MYRIP: variants seen among roughly 807,000 people sequenced by gnomAD.
MYRIP encodes the protein rab effector MyRIP.
In MYRIP, 49 loss-of-function variants were observed where a neutral mutation model predicts 98.0. The ratio of observed to expected loss-of-function variants is 0.50; its 90% confidence interval spans 0.40 to 0.63. The LOEUF is 0.63. MYRIP is among the 30% of genes least tolerant of loss of function. The pLI is 0.00. For missense variants in MYRIP, 1,004 were observed against 1,058.2 expected (o/e 0.95, Z 0.71); for synonymous variants, 404 against 409.5 (o/e 0.99, Z 0.16).
At chr3:40,123,078 A>G (rs1473778323) in intron 3 of MYRIP, among the ~76,000 whole-genome samples, 2 of 152,222 alleles carry the variant, frequency 1.3e-5, no homozygotes, top group African/African-American at 2.4e-5. Context: ...AAAGCAGCCA[A>G]TGATTTGGCT....
chr3:39,882,944 A>G (rs943563722), intron 1 of MYRIP, among the ~76,000 whole-genome samples: 1 of 152,022 alleles, frequency 6.6e-6, no homozygotes, highest in Admixed American at 6.6e-5. Context: ...GAGGACATCT[A>G]TAAAAGCTGA....
chr3:40,169,778 A>G (rs904962463), intron 7 of MYRIP, among the ~76,000 whole-genome samples, 172 bp from the exon 8 acceptor site: 1 of 152,250 alleles, frequency 6.6e-6, no homozygotes, highest in African/African-American at 2.4e-5. Flanking sequence ...TAGAATGCTC[A>G]AGGCTATAAT....
chr3:40,163,936 C>A (rs1950450260), intron 5 of MYRIP, among the ~76,000 whole-genome samples: 1 of 152,066 alleles, frequency 6.6e-6, no homozygotes, highest in African/African-American at 2.4e-5. Flanking sequence ...CATAGGTTAC[C>A]ACACACCATT....
chr3:39,954,739 A>G (rs916044806), intron 2 of MYRIP, among the ~76,000 whole-genome samples: 1 of 152,176 alleles, frequency 6.6e-6, no homozygotes, highest in Non-Finnish European at 1.5e-5. Flanking sequence ...CTGAAGGAGG[A>G]TGTTCAAACC....
At chr3:40,071,683 T>A (rs1204688218) in intron 3 of MYRIP, among the ~76,000 whole-genome samples, 1 of 152,082 alleles carries the variant, frequency 6.6e-6, no homozygotes, top group African/African-American at 2.4e-5. Context: ...AGGATGCAGA[T>A]GCTGGGGAGG....
chr3:39,925,208 C>T (rs920332286), intron 2 of MYRIP, among the ~76,000 whole-genome samples: 4 of 150,876 alleles, frequency 2.7e-5, no homozygotes, highest in Admixed American at 1.3e-4. Flanking sequence ...CAGCAAGACT[C>T]ACAAGGGAAA....
chr3:39,849,358 C>T (rs756079289), intron 1 of MYRIP, among the ~76,000 whole-genome samples: 7 of 152,106 alleles, frequency 4.6e-5, no homozygotes, highest in Non-Finnish European at 1.0e-4. Context: ...CATTTATTTC[C>T]GAGTCTAATA....
chr3:40,118,971 C>G (rs9848341), intron 3 of MYRIP, among the ~76,000 whole-genome samples: 78,778 of 150,940 alleles, frequency 0.52, 20,861 homozygotes, highest in Admixed American at 0.61. Context: ...TCTTAATCCA[C>G]TCTATCATTG....
chr3:39,907,680 C>T (rs538149794), intron 2 of MYRIP, among the ~76,000 whole-genome samples: 3 of 152,266 alleles, frequency 2.0e-5, no homozygotes, highest in African/African-American at 7.2e-5. Context: ...TAGTATTACT[C>T]TAAGTAATAG....
At chr3:40,121,817 A>G (rs1348679626) in intron 3 of MYRIP, among the ~76,000 whole-genome samples, 1 of 152,202 alleles carries the variant, frequency 6.6e-6, no homozygotes, top group African/African-American at 2.4e-5. Flanking sequence ...TAAATTTACA[A>G]CTTTCAAGTA....
chr3:40,204,203 T>TATATA (rs1371504878), intron 10 of MYRIP, among the ~76,000 whole-genome samples: 775 of 37,040 alleles, frequency 0.021, 81 homozygotes, highest in Non-Finnish European at 0.031. Flanking sequence ...TATTATATTA[T>TATATA]ATATTTATAT....
intron 1 of MYRIP, among the ~76,000 whole-genome samples, chr3:39,876,401 T>G (rs1016786062): frequency 7.2e-5 from 11 of 152,204 alleles, no homozygotes; most frequent in Non-Finnish European, 1.3e-4. Flanking sequence ...TAGCTGGTTA[T>G]TTTGCTCATT....
chr3:39,957,478 G>A (rs1487988949), intron 2 of MYRIP, among the ~76,000 whole-genome samples: 3 of 151,928 alleles, frequency 2.0e-5, no homozygotes, highest in Non-Finnish European at 2.9e-5. Flanking sequence ...AAATTCAACA[G>A]CCCTTCATGC....
chr3:40,057,794 T>G (rs1947913544), intron 3 of MYRIP, among the ~76,000 whole-genome samples: 1 of 152,204 alleles, frequency 6.6e-6, no homozygotes, highest in South Asian at 2.1e-4. Flanking sequence ...CCATCCTATA[T>G]CCATGCATTA....
In MYRIP at chr3:40,182,326, A is replaced by G; in HGVS notation, c.980A>G (p.Glu327Gly). 1 of 1,613,832 alleles carries G rather than the reference A, an allele frequency of 6.2e-7. No individual in the cohort carries two copies. The highest frequency in any genetic ancestry group is 8.5e-7 in the Non-Finnish European group (1 of 1,179,874). ...PRDQGQHPRA[E>G]SALPSWKSVD... Reference sequence around the variant, plus strand: ...GACCAAGGCCAACACCCGAGAGCAGAGTCTGCTCTGCCCAGCTGGAAGAGT... The same window carrying G: ...GACCAAGGCCAACACCCGAGAGCAGGGTCTGCTCTGCCCAGCTGGAAGAGT... Residue 327 changes from glutamate to glycine, a missense_variant, in exon 9 of 17, where the codon GAG becomes GGG. By Grantham distance (98) the Glu-to-Gly change is moderately conservative. Around this residue, in one of 3 missense-constraint regions of MYRIP, gnomAD observed 880 missense variants for 907.7 expected, o/e 0.97. Coordinates refer to ENST00000302541, the MANE Select transcript of MYRIP (RefSeq NM_015460.4).
At chr3:39,848,179 A>G (rs1296856724) in intron 1 of MYRIP, among the ~76,000 whole-genome samples, 2 of 152,184 alleles carry the variant, frequency 1.3e-5, no homozygotes, top group African/African-American at 4.8e-5. Context: ...ACACGGGTGT[A>G]GTGTTGTATC....
intron 2 of MYRIP, among the ~76,000 whole-genome samples, chr3:39,947,118 G>T (rs1255357155): frequency 1.3e-5 from 2 of 152,150 alleles, no homozygotes; most frequent in Non-Finnish European, 2.9e-5. Context: ...ATAGGCAAAT[G>T]CTTAGCTGGA....
intron 2 of MYRIP, among the ~76,000 whole-genome samples, chr3:40,039,165 C>T (rs1947454946): frequency 6.6e-6 from 1 of 152,090 alleles, no homozygotes; most frequent in Non-Finnish European, 1.5e-5. Context: ...GAGTCTGTTG[C>T]TTCAATGAAC....
rs552301720 is a variant in MYRIP at position 39,883,378 on chromosome 3, A to C, written c.-30-17409A>C. Among the ~76,000 whole-genome samples the C allele has an allele frequency of 3.3e-5, 5 of 152,320 alleles. No individual in the cohort carries two copies. In the East Asian group the frequency reaches 9.6e-4, roughly 29 times the overall value. ...GGAAACAAACATACATCCTCTCTAG[A>C]GGAAAATAACCGTGTACAAGTGTAG... On this transcript the variant is annotated intron_variant, in intron 1 of 16. Transcript: ENST00000302541.
Sources: gnomAD v4.1 joint callset for allele counts (sites outside exome capture counted in the v4.1 genomes callset) on GRCh38, gnomAD v4.1.1 for gene constraint, gnomAD v4.1.1 regional missense constraint, MANE v1.5 for transcripts, NCBI Gene and HGNC (gene_info 2026-07-23, HGNC 2026-07-21) for gene names.